EIF4G3: variants seen among roughly 807,000 people sequenced by gnomAD.
EIF4G3 encodes eIF-4-gamma 3.
Under a neutral mutation model 186.4 loss-of-function variants are expected in EIF4G3, and 34 were observed. The observed-to-expected ratio is 0.18, with a 90% CI of 0.14 to 0.24. The LOEUF is 0.24. Among genes scored for constraint, EIF4G3 ranks in the 10% least tolerant of loss-of-function variants. The pLI is 1.00. For synonymous variants in EIF4G3, 673 were observed against 679.5 expected (o/e 0.99, Z 0.15); for missense variants, 1,536 against 1,948.5 (o/e 0.79, Z 3.99).
rs769715669 is a variant in EIF4G3, at chr1:21,101,562, G to GAAAAAGAAAAAAAA, written c.-271-12350_-271-12349insTTTTTTTTCTTTTT. 9.3e-3 allele frequency among the ~76,000 whole-genome samples: 330 copies of GAAAAAGAAAAAAAA among 35,372 alleles called. 16 individuals carry two copies. The highest frequency in any genetic ancestry group is 0.015 in the Non-Finnish European group (275 of 18,812). The allele number at this position is 35,372 out of a possible 152,430, so 23.2% of individuals were successfully genotyped here. ...TCTAGCCTGGGCAACAGGGTCTCAG[G>GAAAAAGAAAAAAAA]AAAAAAAAAAAAACAACAAAAAAAA... On this transcript the variant is annotated intron_variant, in intron 2 of 36. Coordinates refer to ENST00000602326, the MANE Select transcript of EIF4G3 (RefSeq NM_001391906.1).
At chr1:20,922,109 T>C (rs2094527284) in intron 14 of EIF4G3, among the ~76,000 whole-genome samples, 1 of 152,252 alleles carries the variant, frequency 6.6e-6, no homozygotes, top group African/African-American at 2.4e-5. Flanking sequence ...AGTCTCCAAG[T>C]CCTGCTTTTC....
intron 15 of EIF4G3, among the ~76,000 whole-genome samples, chr1:20,900,987 A>C (rs2090101037): frequency 6.6e-6 from 1 of 152,210 alleles, no homozygotes; most frequent in Non-Finnish European, 1.5e-5. Flanking sequence ...ACCATATAAC[A>C]GATCATGGTT....
intron 2 of EIF4G3, among the ~76,000 whole-genome samples, chr1:21,092,687 T>G (rs1180739310): frequency 6.6e-6 from 1 of 152,124 alleles, no homozygotes; most frequent in Admixed American, 6.6e-5. Flanking sequence ...TCACACTACC[T>G]GACTTCAAAC....
intron 14 of EIF4G3, among the ~76,000 whole-genome samples, chr1:20,906,117 C>A (rs890463063): frequency 2.0e-5 from 3 of 152,090 alleles, no homozygotes; most frequent in Admixed American, 2.0e-4. Context: ...ACCAATTATT[C>A]TTTTTTCTTC....
At chr1:21,065,846 T>G (rs1211007387) in intron 3 of EIF4G3, among the ~76,000 whole-genome samples, 2 of 152,200 alleles carry the variant, frequency 1.3e-5, no homozygotes, top group African/African-American at 4.8e-5. Context: ...CCAGTAAGTG[T>G]AAGACAGTTT....
intron 34 of EIF4G3, among the ~76,000 whole-genome samples, chr1:20,813,953 T>G (rs2059812880): frequency 7.3e-6 from 1 of 136,406 alleles, no homozygotes; most frequent in Admixed American, 7.2e-5. Context: ...CACTGTTTTT[T>G]TTTTTTTTTT....
chr1:21,168,585 G>A (rs973819503), intron 2 of EIF4G3, among the ~76,000 whole-genome samples: 1 of 151,586 alleles, frequency 6.6e-6, no homozygotes, highest in Non-Finnish European at 1.5e-5. Context: ...GCCACTCCTG[G>A]CAAACTATTT....
chr1:20,933,571 C>T (rs893838795), intron 14 of EIF4G3, among the ~76,000 whole-genome samples: 31 of 152,104 alleles, frequency 2.0e-4, no homozygotes, highest in Non-Finnish European at 8.8e-5. Context: ...AGGAGAATCA[C>T]TTGAACCTGG....
chr1:21,105,982 G>A (rs902464391), intron 2 of EIF4G3, among the ~76,000 whole-genome samples: 1 of 152,052 alleles, frequency 6.6e-6, no homozygotes, highest in South Asian at 2.1e-4. Context: ...CAGAAGGGTC[G>A]CCTGAGCCAA....
At chr1:21,071,128 GGTGGCATGGCTC>G (rs2095428265) in intron 3 of EIF4G3, among the ~76,000 whole-genome samples, 1 of 152,214 alleles carries the variant, frequency 6.6e-6, no homozygotes, top group Non-Finnish European at 1.5e-5. Context: ...ATGTTAGCCA[GGTGGCATGGCTC>G]GTGCCTGTAA....
At chr1:21,073,526 A>G (rs2095501807) in intron 3 of EIF4G3, 5 of 355,956 alleles carry the variant, frequency 1.4e-5, no homozygotes, top group South Asian at 1.1e-4. Context: ...TTCATCCATG[A>G]ACAGCTGAAT....
intron 3 of EIF4G3, among the ~76,000 whole-genome samples, chr1:21,065,957 C>T (rs2095220340): frequency 6.6e-6 from 1 of 151,836 alleles, no homozygotes; most frequent in Admixed American, 6.6e-5. Context: ...ATCCTTTAAG[C>T]AAGTTTAAAA....
In EIF4G3 at chr1:20,855,685, G is replaced by A. The variant is rs114801920; in HGVS notation, c.3340-614C>T. Reference sequence around the variant, plus strand: ...ATTATAAAATACATATAACATAAAAGCTGTAATGTAGCGCTTTGTAAAAAA... The same window carrying A: ...ATTATAAAATACATATAACATAAAAACTGTAATGTAGCGCTTTGTAAAAAA... On this transcript the variant is annotated intron_variant, in intron 25 of 36. Coordinates refer to ENST00000602326, the MANE Select transcript of EIF4G3 (RefSeq NM_001391906.1). Among the ~76,000 whole-genome samples, 793 of 152,230 alleles carry A rather than the reference G, an allele frequency of 5.2e-3. 8 individuals carry two copies. Among genetic ancestry groups the A allele is most frequent in the African/African-American group, 0.017 (689 of 41,530 alleles).
rs1572539854 is a variant in EIF4G3 at position 21,100,117 on chromosome 1, T to A, written c.-271-10904A>T. On this transcript the variant is annotated intron_variant, in intron 2 of 36. Coordinates refer to ENST00000602326, the MANE Select transcript of EIF4G3 (RefSeq NM_001391906.1). ...AAGAAGCCAATCACCAAAGACTGTA[T>A]ATCATGTGATTCTGCTTATATGAAA... Among the ~76,000 whole-genome samples the A allele has an allele frequency of 3.9e-5, 6 of 152,308 alleles. No homozygotes were observed. In the South Asian group the frequency reaches 1.2e-3, roughly 32 times the overall value.
chr1:20,957,317 A>C (rs2154564202), intron 12 of EIF4G3, among the ~76,000 whole-genome samples: 1 of 152,318 alleles, frequency 6.6e-6, no homozygotes, highest in Admixed American at 6.5e-5. Flanking sequence ...TGAAATCAAG[A>C]TGGAAAAATT....
intron 7 of EIF4G3, among the ~76,000 whole-genome samples, chr1:20,986,744 C>CAAAAAAAAAAAAAAAA (rs61255473): frequency 6.0e-5 from 4 of 66,316 alleles, no homozygotes; most frequent in East Asian, 7.1e-4. Context: ...GCTCTGTCTC[C>CAAAAAAAAAAAAAAAA]AAAAAAAAAA....
At chr1:21,173,666 C>T (rs981820953) in intron 2 of EIF4G3, among the ~76,000 whole-genome samples, 3 of 152,028 alleles carry the variant, frequency 2.0e-5, no homozygotes, top group South Asian at 2.1e-4. Context: ...CCAGCCTGGG[C>T]GACAAAGCAA....
At chr1:21,010,571 CA>C (rs751194899) in intron 4 of EIF4G3, among the ~76,000 whole-genome samples, 1 of 152,198 alleles carries the variant, frequency 6.6e-6, no homozygotes, top group South Asian at 2.1e-4. Context: ...TTTCTTCTTG[CA>C]AAAAACAAAC....
intron 16 of EIF4G3, among the ~76,000 whole-genome samples, chr1:20,899,183 T>G (rs1351640317): frequency 6.6e-6 from 1 of 152,224 alleles, no homozygotes; most frequent in East Asian, 1.9e-4. Context: ...GGGTTTATAT[T>G]TGTTTACCAT....
Sources: allele counts gnomAD v4.1 joint callset (sites outside exome capture counted in the v4.1 genomes callset), GRCh38; gene constraint gnomAD v4.1.1; transcripts MANE v1.5; gene names NCBI Gene and HGNC (gene_info 2026-07-23, HGNC 2026-07-21).